The following GTF2E2 variants were observed in gnomAD, a reference collection of about 807,000 sequenced individuals.
The protein encoded by GTF2E2 is transcription initiation factor IIE subunit beta.
In GTF2E2, 21 loss-of-function variants were observed where a neutral mutation model predicts 40.5. That is an observed-to-expected ratio of 0.52 (90% CI 0.37 to 0.75). The LOEUF (loss-of-function observed/expected upper bound fraction) is 0.75, where lower values mean the gene tolerates loss of function less well. Among genes scored for constraint, GTF2E2 ranks in the 30% least tolerant of loss-of-function variants. The pLI, the probability that GTF2E2 is intolerant of heterozygous loss-of-function variation, is 0.00. For missense variants in GTF2E2, 298 were observed against 338.4 expected, an observed-to-expected ratio of 0.88 and a Z score of 0.94; for synonymous variants, 117 against 121.6, an observed-to-expected ratio of 0.96 and a Z score of 0.25.
At chr8:30,607,309 T>C (rs568458460) in intron 5 of GTF2E2, among the ~76,000 whole-genome samples, 159 bp from the exon 6 acceptor site, 68 of 152,282 alleles carry the variant, frequency 4.5e-4, no homozygotes, top group Middle Eastern at 3.4e-3. Flanking sequence ...ATTTTAGTTT[T>C]AGTTTTGTTT....
chr8:30,654,199 G>A (rs571542695), intron 1 of GTF2E2, among the ~76,000 whole-genome samples: 1 of 152,018 alleles, frequency 6.6e-6, no homozygotes, highest in East Asian at 1.9e-4. Context: ...TATTAAACAT[G>A]TGAAATGTGG....
intron 6 of GTF2E2, among the ~76,000 whole-genome samples, chr8:30,597,786 C>T (rs1829055377): frequency 6.6e-6 from 1 of 152,226 alleles, no homozygotes; most frequent in Non-Finnish European, 1.5e-5. Flanking sequence ...ATCTGCTTTT[C>T]AGCCAAACTT....
chr8:30,585,676 C>T (rs1356549241), intron 6 of GTF2E2, among the ~76,000 whole-genome samples: 1 of 147,798 alleles, frequency 6.8e-6, no homozygotes, highest in Non-Finnish European at 1.5e-5. Flanking sequence ...TAAGGAGGAT[C>T]ATACTTACTA....
rs376882413 is a variant in GTF2E2, at chr8:30,642,161, T to C, written c.167-7038A>G. On this transcript the variant is annotated intron_variant, in intron 2 of 7. Coordinates refer to ENST00000355904, the MANE Select transcript of GTF2E2 (RefSeq NM_002095.6). ...AAAGCAAAGGAATACTCAGCAGCACTTTAGAAGTTTTATTAGGCTAACGTT... is the reference window on the plus strand; with the variant it reads ...AAAGCAAAGGAATACTCAGCAGCACCTTAGAAGTTTTATTAGGCTAACGTT... Among the ~76,000 whole-genome samples the C allele has an allele frequency of 3.3e-5, 5 of 152,262 alleles. No individual in the cohort carries two copies. In the East Asian group the frequency reaches 9.6e-4, roughly 29 times the overall value.
chr8:30,644,632 A>G (rs1347929772), intron 2 of GTF2E2: 1 of 152,232 alleles, frequency 6.6e-6, no homozygotes, highest in South Asian at 2.1e-4. Flanking sequence ...TGAAGAACAT[A>G]ACCTTAAAAC....
chr8:30,595,456 A>T (rs1235532846), intron 6 of GTF2E2, among the ~76,000 whole-genome samples: 2 of 152,132 alleles, frequency 1.3e-5, no homozygotes, highest in Non-Finnish European at 2.9e-5. Flanking sequence ...TTCCTTTAAT[A>T]TTTCCAGTAG....
At chr8:30,645,237 A>G in intron 2 of GTF2E2, 1 of 1,401,630 alleles carries the variant, frequency 7.1e-7, no homozygotes, top group Non-Finnish European at 9.5e-7. Flanking sequence ...GAATTAACAG[A>G]TCTGTAGTTT....
rs146738963 is a variant in GTF2E2, at chr8:30,656,477, G to A, written c.-5+1496C>T. On this transcript the variant is annotated intron_variant, in intron 1 of 7. Transcript: ENST00000355904. The stretch of plus-strand genomic sequence containing the variant: ...TTGTGTCTTATTTCACGTTGCAAAG[G>A]CAGGACCTCAATCTGGACTTTAAAA... Among the ~76,000 whole-genome samples the A allele has an allele frequency of 6.1e-3, 928 of 152,204 alleles. 7 individuals carry two copies. The highest frequency in any genetic ancestry group is 9.7e-3 in the Non-Finnish European group (658 of 68,022).
chr8:30,591,685 A>C (rs1465216691), intron 6 of GTF2E2, among the ~76,000 whole-genome samples: 1 of 152,142 alleles, frequency 6.6e-6, no homozygotes, highest in Non-Finnish European at 1.5e-5. Flanking sequence ...GAGAATGTAA[A>C]TTAATGTAGC....
intron 5 of GTF2E2, among the ~76,000 whole-genome samples, chr8:30,607,620 T>A (rs1829357213): frequency 6.6e-6 from 1 of 152,188 alleles, no homozygotes; most frequent in Non-Finnish European, 1.5e-5. Flanking sequence ...AGTAGTTCAA[T>A]TTTTTAAAAA....
chr8:30,587,466 A>G (rs1052048120), intron 6 of GTF2E2, among the ~76,000 whole-genome samples: 1 of 28,736 alleles, frequency 3.5e-5, no homozygotes, highest in African/African-American at 1.1e-4. Flanking sequence ...ACTCAAAATA[A>G]TAGCAAAAAA....
chr8:30,620,245 C>CAA (rs1269473852), intron 3 of GTF2E2, among the ~76,000 whole-genome samples: 1 of 29,350 alleles, frequency 3.4e-5, no homozygotes, highest in Non-Finnish European at 8.0e-5. Context: ...CACAAACACA[C>CAA]ACACACACAC....
At chr8:30,596,170 A>C (rs778266130) in intron 6 of GTF2E2, among the ~76,000 whole-genome samples, 19 of 152,210 alleles carry the variant, frequency 1.2e-4, no homozygotes, top group Non-Finnish European at 2.6e-4. Context: ...TGAGCTTCAC[A>C]GATCTTTGGT....
At chr8:30,618,311 C>G (rs927336833) in intron 3 of GTF2E2, among the ~76,000 whole-genome samples, 25 of 151,876 alleles carry the variant, frequency 1.6e-4, no homozygotes, top group Non-Finnish European at 2.8e-4. Context: ...TTACGCTTTA[C>G]TAATAGTGAA....
At chr8:30,609,706 T>A (rs1041690500) in intron 5 of GTF2E2, among the ~76,000 whole-genome samples, 1 of 152,152 alleles carries the variant, frequency 6.6e-6, no homozygotes, top group Non-Finnish European at 1.5e-5. Flanking sequence ...TGTGTCCCCA[T>A]CAAATCTCAT....
intron 6 of GTF2E2, among the ~76,000 whole-genome samples, chr8:30,590,844 C>T (rs552773270): frequency 6.6e-6 from 1 of 152,026 alleles, no homozygotes; most frequent in Non-Finnish European, 1.5e-5. Context: ...ATGGGGACCA[C>T]CATGCCCAGC....
chr8:30,594,714 C>T (rs1054180898), intron 6 of GTF2E2, among the ~76,000 whole-genome samples: 16 of 151,790 alleles, frequency 1.1e-4, no homozygotes, highest in Admixed American at 5.2e-4. Context: ...CTAAATTAGA[C>T]GGGCGTGGTG....
At chr8:30,595,194 T>C (rs1323846636) in intron 6 of GTF2E2, among the ~76,000 whole-genome samples, 5 of 152,220 alleles carry the variant, frequency 3.3e-5, no homozygotes, top group Non-Finnish European at 7.3e-5. Flanking sequence ...TAGCATTTCA[T>C]ATGTCATGTA....
At chr8:30,619,200 G>T (rs560846696) in intron 3 of GTF2E2, among the ~76,000 whole-genome samples, 1 of 151,904 alleles carries the variant, frequency 6.6e-6, no homozygotes, top group Non-Finnish European at 1.5e-5. Flanking sequence ...TCAGCCTCCC[G>T]AAGTGTTGGG....
Sources: gnomAD v4.1 joint callset for allele counts (sites outside exome capture counted in the v4.1 genomes callset) on GRCh38, gnomAD v4.1.1 for gene constraint, MANE v1.5 for transcripts, NCBI Gene and HGNC (gene_info 2026-07-23, HGNC 2026-07-21) for gene names.